AHNAK2: variants seen among roughly 807,000 people sequenced by gnomAD.
AHNAK2 encodes protein AHNAK2.
A neutral mutation model predicts 30.7 loss-of-function variants in AHNAK2; 18 were observed. The ratio of observed to expected loss-of-function variants is 0.59; its 90% CI spans 0.41 to 0.87. The LOEUF (loss-of-function observed/expected upper bound fraction) is 0.87, where lower values mean the gene tolerates loss of function less well. AHNAK2 is among the 40% of genes least tolerant of loss of function. The pLI is 0.00. For synonymous variants in AHNAK2, 3,590 were observed against 3,073.8 expected, an observed-to-expected ratio of 1.17 and a Z score of -5.56; for missense variants, 8,604 against 7,373.0, an observed-to-expected ratio of 1.17 and a Z score of -6.11.
chr14:104,944,684 C>T lies in AHNAK2; in HGVS notation c.10767G>A (p.Lys3589=), dbSNP rs767538191. Residue 3589 remains lysine (K), a synonymous_variant, in exon 7 of 7, where the codon AAG becomes AAA. Coordinates refer to ENST00000333244, the MANE Select transcript of AHNAK2 (RefSeq NM_138420.4). ...CGACATCGGGGACTCTCACTTCTGC[C>T]TTGGGGCCTTTCAGGTCCAGCTTGG... The part of the protein sequence containing the change: ...KGPKLDLKGP[K]AEVRVPDVEV... 4 of 1,612,890 alleles carry T rather than the reference C, an allele frequency of 2.5e-6. No individual in the cohort carries two copies. The highest frequency in any genetic ancestry group is 2.5e-6 in the Non-Finnish European group (3 of 1,179,636).
At position 104,950,870 on chromosome 14, in the gene AHNAK2, C is replaced by T. The variant is rs533956406; in HGVS notation, c.4581G>A (p.Val1527=). The T allele has an allele frequency of 7.6e-6, 12 of 1,582,522 alleles. 2 individuals carry two copies. The highest frequency in any genetic ancestry group is 1.1e-5 in the South Asian group (1 of 89,578). Residue 1527 remains valine (V), a synonymous_variant, in exon 7 of 7, where the codon GTG becomes GTA. Transcript: ENST00000333244. ...DVSAPKVEAD[V]SLPSMQGDLK... The stretch of plus-strand genomic sequence containing the variant: ...GGTCCCCCTGCATGGAGGGGAGGCT[C>T]ACGTCGGCCTCCACCTTCGGCGCAG...
At chr14:104,960,705 T>C (rs1242716389) in intron 1 of AHNAK2, among the ~76,000 whole-genome samples, 15 of 152,250 alleles carry the variant, frequency 9.9e-5, no homozygotes. Flanking sequence ...CTTCCAGAAC[T>C]GGATTGTGGT....
rs200428043 is a variant in AHNAK2, at chr14:104,943,942, C to T, written c.11509G>A (p.Val3837Met). 104 of 1,612,948 alleles carry T rather than the reference C, an allele frequency of 6.4e-5. No homozygotes were observed. In the African/African-American group the frequency reaches 1.1e-3, roughly 17 times the overall value. ...HVSAPKVEAD[V>M]SLPSMQGDLK... ...TCCCCCTGCATGGAGGGGAGACTCA[C>T]ATCGGCCTCCACCTTGGGTGCAGAC... The change falls in exon 7 of 7, where the codon GTG becomes ATG. Residue 3837 changes from valine (V) to methionine (M), a missense_variant. Val to Met is a conservative substitution (Grantham distance 21, BLOSUM62 1). Transcript: ENST00000333244.
Position 104,939,129 on chromosome 14 carries a change from G to A in AHNAK2, c.16322C>T (p.Ala5441Val), listed in dbSNP as rs768315184. The change falls in exon 7 of 7, where the codon GCT becomes GTT. Residue 5441 changes from alanine (A) to valine (V), a missense_variant. Ala to Val is a moderately conservative substitution (Grantham distance 64). Transcript: ENST00000333244. ...CACAGGCTGCTCCCCAGGGACCCCA[G>A]CACCTGCCTTCAGGATGCTGGCTCC... ...LWGASILKAGAGVPGEQPVDL... is the reference protein window; with the variant it reads ...LWGASILKAGVGVPGEQPVDL... The A allele has an allele frequency of 6.2e-7, 1 of 1,609,610 alleles. No homozygotes were observed. The highest frequency in any genetic ancestry group is 1.7e-5 in the Admixed American group (1 of 59,240).
chr14:104,974,819 C>G (rs879810309), intron 1 of AHNAK2, among the ~76,000 whole-genome samples: 1 of 152,200 alleles, frequency 6.6e-6, no homozygotes, highest in Non-Finnish European at 1.5e-5. Flanking sequence ...GAGAGTGTGG[C>G]ATTTTACTCC....
rs545186160 is a variant in AHNAK2 at position 104,958,444 on chromosome 14, G to A, written c.56-772C>T. On this transcript the variant is annotated intron_variant, in intron 1 of 6. Coordinates refer to ENST00000333244, the MANE Select transcript of AHNAK2 (RefSeq NM_138420.4). ...GCCTGGGCAACAAGAGTGAAACTCCGTCTCAAAAAGAAAAAAAAAAGTTTG... is the reference window on the plus strand; with the variant it reads ...GCCTGGGCAACAAGAGTGAAACTCCATCTCAAAAAGAAAAAAAAAAGTTTG... 1.1e-3 allele frequency among the ~76,000 whole-genome samples: 167 copies of A among 151,438 alleles called. 7 individuals are homozygous for A. The South Asian group carries it at 0.028, about 25-fold the overall frequency.
chr14:104,963,470 T>C (rs1032737854), intron 1 of AHNAK2, among the ~76,000 whole-genome samples: 5 of 152,136 alleles, frequency 3.3e-5, no homozygotes, highest in Admixed American at 1.3e-4. Flanking sequence ...AGAAATTACT[T>C]TTGGAGTAGG....
rs369487785 is a variant in AHNAK2 at position 104,941,549 on chromosome 14, G to A, written c.13902C>T (p.Ser4634=). The change falls in exon 7 of 7, where the codon AGC becomes AGT. Residue 4634 remains serine, a synonymous_variant. Transcript: ENST00000333244. ...TTGACGACCATTCAAAACCAGACGT[G>A]CTCAGTTTTGGTCCTTGAAACTTAC... ...KDSKFQGPKL[S]TSGFEWSSKK... 6.8e-5 allele frequency: 109 copies of A among 1,613,084 alleles called. 1 individual carries two copies. The African/African-American group carries it at 1.0e-3, about 15-fold the overall frequency.
In AHNAK2 at chr14:104,950,428, T is replaced by C. The variant is rs190165756; in HGVS notation, c.5023A>G (p.Lys1675Glu). ...MPSFGVSAPG[K>E]SIEASVDVSE... ...ACATCCACCGAGGCCTCGATGGACTTGCCTGGGGCCGACACCCCAAATGAT... is the reference window on the plus strand; with the variant it reads ...ACATCCACCGAGGCCTCGATGGACTCGCCTGGGGCCGACACCCCAAATGAT... The change falls in exon 7 of 7, where the codon AAG (lysine) becomes GAG (glutamate). Residue 1675 changes from lysine (K) to glutamate (E), a missense_variant. Coordinates refer to ENST00000333244, the MANE Select transcript of AHNAK2 (RefSeq NM_138420.4). The C allele has an allele frequency of 7.4e-4, 1,172 of 1,586,730 alleles. 105 individuals are homozygous for C. In the East Asian group the frequency reaches 7.7e-3, roughly 10 times the overall value.
In AHNAK2 at chr14:104,937,393, T is replaced by C. The variant is rs1897837885; in HGVS notation, c.*670A>G. 6.6e-6 allele frequency: 1 copy of C among 152,364 alleles called. No individual in the cohort carries two copies. The highest frequency in any genetic ancestry group is 6.5e-5 in the Admixed American group (1 of 15,288). The allele number at this position is 152,364 out of a possible 1,614,324, so 9.4% of individuals were successfully genotyped here. A position where few individuals can be genotyped will look rare whatever the true frequency, so the allele number is the denominator to read the frequency against. ...ACACTGGCAAGGCACTGGCGGATGC[T>C]GGCAGGCCAGTGGACATGGATAGAT... On this transcript the variant is annotated 3_prime_UTR_variant, in exon 7 of 7. Coordinates refer to ENST00000333244, the MANE Select transcript of AHNAK2 (RefSeq NM_138420.4).
chr14:104,947,294 G>A lies in AHNAK2; in HGVS notation c.8157C>T (p.Gly2719=), dbSNP rs375309942. The A allele has an allele frequency of 1.0e-3, 1,654 of 1,611,894 alleles. 9 individuals are homozygous for A. The highest frequency in any genetic ancestry group is 1.2e-3 in the Non-Finnish European group (1,437 of 1,179,420). Reference sequence around the variant, plus strand: ...TGAGGCCGGCTCCCTCGGGAACGTGGCCCTCTGGGAGTTTCACATCCACCT... The same window carrying A: ...TGAGGCCGGCTCCCTCGGGAACGTGACCCTCTGGGAGTTTCACATCCACCT... ...AGQVDVKLPE[G]HVPEGAGLKG... is the part of the protein sequence containing the mutation. Residue 2719 remains glycine (G), a synonymous_variant, in exon 7 of 7, where the codon GGC becomes GGT. Transcript: ENST00000333244.
At chr14:104,968,172 A>G (rs1280368904) in intron 1 of AHNAK2, among the ~76,000 whole-genome samples, 3 of 152,154 alleles carry the variant, frequency 2.0e-5, no homozygotes, top group Non-Finnish European at 2.9e-5. Context: ...CAACACTACC[A>G]TTAACATTCC....
rs1897855447 is a variant in AHNAK2 at position 104,937,977 on chromosome 14, TG to T, written c.*85del. 7.2e-7 allele frequency: 1 copy of T among 1,394,830 alleles called. No homozygotes were observed. Among genetic ancestry groups the T allele is most frequent in the East Asian group, 2.3e-5 (1 of 43,448 alleles). The allele number at this position is 1,394,830 out of a possible 1,614,324, so 86.4% of individuals were successfully genotyped here. ...GAAGTGAGGTGGATGTAATGTGCTG[TG>T]GGATGGGGTGCTCCATATGTGTGTG... is the stretch of plus-strand genomic sequence containing the variant. On this transcript the variant is annotated 3_prime_UTR_variant, in exon 7 of 7. Coordinates refer to ENST00000333244, the MANE Select transcript of AHNAK2 (RefSeq NM_138420.4).
chr14:104,957,274 G>A lies in AHNAK2; in HGVS notation c.213+136C>T, dbSNP rs561135146. ...GACCCAAGGGCACAGAGGAGTCTGA[G>A]AGGACATCTGAGTGGGCACTGCCCA... On this transcript the variant is annotated intron_variant, in intron 3 of 6. Coordinates refer to ENST00000333244, the MANE Select transcript of AHNAK2 (RefSeq NM_138420.4). 8 of 789,364 alleles carry A rather than the reference G, an allele frequency of 1.0e-5. No homozygotes were observed. The South Asian group carries it at 1.5e-4, about 15-fold the overall frequency. 48.9% of individuals were successfully genotyped at this position (789,364 alleles called of 1,614,324 possible).
In AHNAK2 at chr14:104,946,676, C is replaced by G. The variant is rs1360348981; in HGVS notation, c.8775G>C (p.Leu2925=). 6.2e-7 allele frequency: 1 copy of G among 1,613,036 alleles called. No homozygotes were observed. The stretch of plus-strand genomic sequence containing the variant: ...CCGTCACCTCCGCCTTGGGGCCTTT[C>G]AGGTCCAGCTTGGGGCCCTTGACGT... ...QIDVKGPKLD[L]KGPKAEVTAP... The change falls in exon 7 of 7, where the codon CTG becomes CTC. Residue 2925 remains leucine, a synonymous_variant. Coordinates refer to ENST00000333244, the MANE Select transcript of AHNAK2 (RefSeq NM_138420.4).
intron 1 of AHNAK2, among the ~76,000 whole-genome samples, chr14:104,960,202 C>T (rs572373807): frequency 1.7e-4 from 26 of 152,200 alleles, no homozygotes; most frequent in Admixed American, 7.2e-4. Context: ...ATATACGTGA[C>T]AATAATAGCA....
In AHNAK2 at chr14:104,947,258, C is replaced by G. The variant is rs760214227; in HGVS notation, c.8193G>C (p.Leu2731=). ...VPEGAGLKGH[L]PKLQMPSFKM... ...TGAAACTGGGCATCTGCAGCTTGGGCAGGTGCCCTTTGAGGCCGGCTCCCT... is the reference window on the plus strand; with the variant it reads ...TGAAACTGGGCATCTGCAGCTTGGGGAGGTGCCCTTTGAGGCCGGCTCCCT... The change falls in exon 7 of 7, where the codon CTG becomes CTC. Residue 2731 remains leucine (L), a synonymous_variant. Coordinates refer to ENST00000333244, the MANE Select transcript of AHNAK2 (RefSeq NM_138420.4). 5 of 1,611,418 alleles carry G rather than the reference C, an allele frequency of 3.1e-6. No homozygotes were observed. In the African/African-American group the frequency reaches 5.4e-5, roughly 17 times the overall value.
Position 104,950,675 on chromosome 14 carries a change from C to T in AHNAK2, c.4776G>A (p.Lys1592=), listed in dbSNP as rs537930262. Residue 1592 remains lysine (K), a synonymous_variant, in exon 7 of 7, where the codon AAG becomes AAA. Coordinates refer to ENST00000333244, the MANE Select transcript of AHNAK2 (RefSeq NM_138420.4). ...GGCCCTTAACATCTATCTGGGGCCC[C>T]TTGAGGTCCACTTTGGGCATCTTGA... ...PSFKMPKVDL[K]GPQIDVKGPK... 43 of 1,587,730 alleles carry T rather than the reference C, an allele frequency of 2.7e-5. 5 individuals are homozygous for T. The East Asian group carries it at 9.7e-4, about 36-fold the overall frequency.
In AHNAK2 at chr14:104,944,776, C is replaced by T; in HGVS notation, c.10675G>A (p.Val3559Met). The change falls in exon 7 of 7, where the codon GTG becomes ATG. Residue 3559 changes from valine to methionine, a missense_variant. Coordinates refer to ENST00000333244, the MANE Select transcript of AHNAK2 (RefSeq NM_138420.4). ...GGCGTCTTTAAACTGGGCATCTCCA[C>T]TTTGGGCAGGTGCCCTTTGAGGCCG... ...GAGLKGHLPK[V>M]EMPSLKTPKV... The T allele has an allele frequency of 4.3e-6, 7 of 1,612,786 alleles. No individual in the cohort carries two copies. The highest frequency in any genetic ancestry group is 5.9e-6 in the Non-Finnish European group (7 of 1,179,470).
Sources: gnomAD v4.1 joint callset for allele counts (sites outside exome capture counted in the v4.1 genomes callset) on GRCh38, gnomAD v4.1.1 for gene constraint, MANE v1.5 for transcripts, NCBI Gene and HGNC (gene_info 2026-07-23, HGNC 2026-07-21) for gene names.